Variants in COL22A1 observed in about 807,000 individuals in gnomAD.
COL22A1 encodes the protein collagen alpha-1(XXII) chain.
COL22A1 carries 221 observed loss-of-function variants against 248.9 expected under a neutral mutation model. That is an observed-to-expected ratio of 0.89 (90% CI 0.80 to 0.99). COL22A1 has a LOEUF of 0.99. Among genes scored for constraint, COL22A1 ranks in the 50% least tolerant of loss-of-function variants. COL22A1 has a pLI of 0.00. For synonymous variants in COL22A1, 891 were observed against 793.4 expected (o/e 1.12, Z -2.07); for missense variants, 2,240 against 2,179.0 (o/e 1.03, Z -0.56).
At chr8:138,683,207 T>G (rs182917136) in intron 39 of COL22A1, among the ~76,000 whole-genome samples, 2 of 152,346 alleles carry the variant, frequency 1.3e-5, no homozygotes, top group Admixed American at 1.3e-4. Context: ...TGATATGCAC[T>G]GTTGTCATCC....
intron 10 of COL22A1, among the ~76,000 whole-genome samples, chr8:138,805,135 G>T (rs1327398720): frequency 8.5e-6 from 1 of 117,042 alleles, no homozygotes; most frequent in Non-Finnish European, 1.7e-5. Flanking sequence ...ATGTGTGATG[G>T]GGTGTGTGTG....
chr8:138,742,796 T>C (rs1340140416), intron 22 of COL22A1, among the ~76,000 whole-genome samples: 2 of 129,234 alleles, frequency 1.5e-5, no homozygotes, highest in Non-Finnish European at 3.3e-5. Context: ...GATGGTGGAG[T>C]TGATGGTGAT....
intron 22 of COL22A1, among the ~76,000 whole-genome samples, chr8:138,744,135 A>G (rs1441386758): frequency 6.6e-6 from 1 of 152,188 alleles, no homozygotes; most frequent in Non-Finnish European, 1.5e-5. Context: ...CTAGGATCCA[A>G]ACAACACTGT....
At chr8:138,594,278 CA>C in intron 62 of COL22A1, 79 bp from the exon 63 acceptor site, 2 of 1,304,914 alleles carry the variant, frequency 1.5e-6, no homozygotes, top group Non-Finnish European at 2.1e-6. Context: ...ACTGACAACT[CA>C]GAACCAGGGG....
chr8:138,701,899 T>C (rs1461064442), intron 31 of COL22A1, among the ~76,000 whole-genome samples: 12 of 152,248 alleles, frequency 7.9e-5, no homozygotes, highest in South Asian at 2.1e-4. Flanking sequence ...CACTATCTTT[T>C]CAAGACCATA....
chr8:138,778,840 C>T (rs553623431), intron 14 of COL22A1, among the ~76,000 whole-genome samples: 1 of 152,360 alleles, frequency 6.6e-6, no homozygotes, highest in African/African-American at 2.4e-5. Flanking sequence ...TCAGTACAGC[C>T]TGGACAAGTC....
intron 53 of COL22A1, among the ~76,000 whole-genome samples, chr8:138,617,494 G>A (rs1321426858): frequency 1.3e-5 from 2 of 152,122 alleles, no homozygotes; most frequent in African/African-American, 4.8e-5. Flanking sequence ...TTGCAACTTG[G>A]AGGCATATTA....
intron 16 of COL22A1, among the ~76,000 whole-genome samples, chr8:138,771,400 AG>A (rs1287372345): frequency 6.6e-6 from 1 of 152,252 alleles, no homozygotes; most frequent in African/African-American, 2.4e-5. Context: ...AACAGGCCAC[AG>A]GGCATCAGGA....
chr8:138,755,318 T>G, intron 20 of COL22A1, 108 bp from the exon 21 acceptor site: 1 of 1,336,502 alleles, frequency 7.5e-7, no homozygotes, highest in Non-Finnish European at 1.1e-6. Flanking sequence ...TTCCAAGTTC[T>G]CGATAGGGAG....
At chr8:138,879,105 T>C (rs1823980749) in intron 2 of COL22A1, among the ~76,000 whole-genome samples, 2 of 152,210 alleles carry the variant, frequency 1.3e-5, no homozygotes, top group Admixed American at 1.3e-4. Flanking sequence ...TCATATATAC[T>C]CAATTATTTT....
At chr8:138,777,055 G>A (rs757532941) in intron 15 of COL22A1, among the ~76,000 whole-genome samples, 17 of 152,212 alleles carry the variant, frequency 1.1e-4, no homozygotes, top group Non-Finnish European at 2.2e-4. Flanking sequence ...AGGCAATGGC[G>A]CAGGGTAGGG....
intron 30 of COL22A1, among the ~76,000 whole-genome samples, chr8:138,707,703 G>T (rs1473054835): frequency 6.6e-6 from 1 of 152,168 alleles, no homozygotes; most frequent in Non-Finnish European, 1.5e-5. Flanking sequence ...AAAACTGGAA[G>T]CACTCCCTTT....
chr8:138,794,002 C>T (rs369734295), intron 12 of COL22A1, among the ~76,000 whole-genome samples: 3 of 152,184 alleles, frequency 2.0e-5, no homozygotes, highest in African/African-American at 7.2e-5. Flanking sequence ...CCGGAAGTCC[C>T]GGATCCTGAT....
At chr8:138,658,629 C>T (rs890698029) in intron 44 of COL22A1, among the ~76,000 whole-genome samples, 4 of 152,138 alleles carry the variant, frequency 2.6e-5, no homozygotes, top group African/African-American at 9.7e-5. Context: ...TCCTGGACTC[C>T]TTCCTGTGCA....
chr8:138,674,355 TCCTC>T (rs1825324844), intron 41 of COL22A1, among the ~76,000 whole-genome samples: 1 of 151,760 alleles, frequency 6.6e-6, no homozygotes. Context: ...CTTCTTCACC[TCCTC>T]CACACACCTT....
rs940468722 is a variant in COL22A1, at chr8:138,844,143, C to A, written c.674G>T (p.Ser225Ile). ...AAAGCGATCTCCTTCTACACGAACG[C>A]TAGGACAGAGCACATCTGAGGAAAG... ...RRLCENVLCP[S>I]VRVEGDRFKH... The change falls in exon 4 of 65, where the codon AGC becomes ATC. Residue 225 changes from serine to isoleucine, a missense_variant. Coordinates refer to ENST00000303045, the MANE Select transcript of COL22A1 (RefSeq NM_152888.3). 6.2e-7 allele frequency: 1 copy of A among 1,614,230 alleles called. No homozygotes were observed. The highest frequency in any genetic ancestry group is 8.5e-7 in the Non-Finnish European group (1 of 1,180,032).
chr8:138,716,647 G>A (rs189592839), intron 28 of COL22A1, among the ~76,000 whole-genome samples, 178 bp downstream of exon 28: 30 of 152,166 alleles, frequency 2.0e-4, no homozygotes, highest in Admixed American at 7.9e-4. Context: ...ACACCTGCAG[G>A]CCACCACTCG....
At chr8:138,795,213 T>C (rs901909216) in intron 12 of COL22A1, among the ~76,000 whole-genome samples, 1 of 152,052 alleles carries the variant, frequency 6.6e-6, no homozygotes, top group African/African-American at 2.4e-5. Context: ...GGTCGGGAGA[T>C]GGAGGCTCAA....
At chr8:138,770,495 C>T (rs1431352851) in intron 16 of COL22A1, among the ~76,000 whole-genome samples, 1 of 152,230 alleles carries the variant, frequency 6.6e-6, no homozygotes, top group Non-Finnish European at 1.5e-5. Context: ...AATGCCCTGC[C>T]CTGGGGCTGT....
Sources: gnomAD v4.1 joint callset for allele counts (sites outside exome capture counted in the v4.1 genomes callset) on GRCh38, gnomAD v4.1.1 for gene constraint, MANE v1.5 for transcripts, NCBI Gene and HGNC (gene_info 2026-07-23, HGNC 2026-07-21) for gene names.